The following ANKS1B variants were observed in gnomAD, a reference collection of about 807,000 sequenced individuals.
ANKS1B encodes ankyrin repeat and sterile alpha motif domain containing 1B.
In ANKS1B, 36 loss-of-function variants were observed where a neutral mutation model predicts 148.3. The observed-to-expected ratio is 0.24, with a 90% CI of 0.19 to 0.32. ANKS1B has a LOEUF of 0.32. Among genes scored for constraint, ANKS1B ranks in the 10% least tolerant of loss-of-function variants. The pLI is 1.00. For missense variants in ANKS1B, 1,157 were observed against 1,542.6 expected, an observed-to-expected ratio of 0.75 and a Z score of 4.19; for synonymous variants, 542 against 560.8, an observed-to-expected ratio of 0.97 and a Z score of 0.47.
intron 17 of ANKS1B, among the ~76,000 whole-genome samples, chr12:98,874,220 G>A (rs2099681031): frequency 6.6e-6 from 1 of 152,196 alleles, no homozygotes; most frequent in Admixed American, 6.5e-5. Context: ...TGGCAAGTCT[G>A]CAATATTGTG....
intron 10 of ANKS1B, among the ~76,000 whole-genome samples, chr12:99,484,764 GT>G (rs565634931): frequency 0.017 from 1,107 of 63,728 alleles, 5 homozygotes; most frequent in Non-Finnish European, 0.024. Flanking sequence ...GTGTGTGTGT[GT>G]TTTTTTTTTT....
Position 98,934,864 on chromosome 12 carries a change from GT to G in ANKS1B, c.2779-102729del, listed in dbSNP as rs553987661. ...CTGAATTCATTTTTTAGTTCTAACAGTTTTTTTTTTAAATGGAGTCTTTAGA... is the reference window on the plus strand; with the variant it reads ...CTGAATTCATTTTTTAGTTCTAACAGTTTTTTTTTAAATGGAGTCTTTAGA... On this transcript the variant is annotated intron_variant, in intron 17 of 26. Coordinates refer to ENST00000683438, the MANE Select transcript of ANKS1B (RefSeq NM_001352186.2). 5.7e-4 allele frequency among the ~76,000 whole-genome samples: 84 copies of G among 148,310 alleles called. 1 individual carries two copies. The highest frequency in any genetic ancestry group is 1.1e-3 in the African/African-American group (43 of 40,598).
chr12:99,649,322 A>C (rs748978959), intron 9 of ANKS1B: 1 of 1,614,164 alleles, frequency 6.2e-7, no homozygotes, highest in East Asian at 2.2e-5. Flanking sequence ...GAGAAGGAGC[A>C]ATTCAGAATC....
intron 20 of ANKS1B, among the ~76,000 whole-genome samples, chr12:98,805,162 T>C (rs1456265120): frequency 6.6e-6 from 1 of 152,220 alleles, no homozygotes; most frequent in African/African-American, 2.4e-5. Context: ...CTTCAGGCTA[T>C]CTCTTTGGCA....
In ANKS1B at chr12:99,078,014, T is replaced by G. The variant is rs568140966; in HGVS notation, c.2625+6911A>C. ...AAGTGTTTATGAAAGAAACCCACAG[T>G]TTTTTTGGGGGGTGAGGAGGGGCAG... On this transcript the variant is annotated intron_variant, in intron 16 of 26. Coordinates refer to ENST00000683438, the MANE Select transcript of ANKS1B (RefSeq NM_001352186.2). Among the ~76,000 whole-genome samples, 13 of 152,214 alleles carry G rather than the reference T, an allele frequency of 8.5e-5. No individual in the cohort carries two copies. In the South Asian group the frequency reaches 1.9e-3, roughly 22 times the overall value.
chr12:99,852,937 G>A (rs1371613341), intron 1 of ANKS1B, among the ~76,000 whole-genome samples: 1 of 152,098 alleles, frequency 6.6e-6, no homozygotes, highest in Non-Finnish European at 1.5e-5. Flanking sequence ...TGAGGCCTGT[G>A]GCTGCCAGCT....
At chr12:99,213,174 T>C (rs979541682) in intron 14 of ANKS1B, among the ~76,000 whole-genome samples, 5 of 152,228 alleles carry the variant, frequency 3.3e-5, no homozygotes, top group African/African-American at 7.2e-5. Flanking sequence ...AGTGACCTGC[T>C]TTGTCTAACA....
At chr12:99,436,526 T>G (rs938228353) in intron 11 of ANKS1B, among the ~76,000 whole-genome samples, 1 of 152,218 alleles carries the variant, frequency 6.6e-6, no homozygotes, top group South Asian at 2.1e-4. Context: ...TATATGCCTC[T>G]GTTTTTTACA....
intron 10 of ANKS1B, among the ~76,000 whole-genome samples, chr12:99,481,805 G>T (rs1020599195): frequency 6.6e-6 from 1 of 151,836 alleles, no homozygotes; most frequent in Non-Finnish European, 1.5e-5. Flanking sequence ...ATGTTTATTA[G>T]CTATTTGTAT....
intron 1 of ANKS1B, among the ~76,000 whole-genome samples, chr12:99,947,144 C>T (rs1050915738): frequency 6.6e-6 from 1 of 151,756 alleles, no homozygotes; most frequent in Non-Finnish European, 1.5e-5. Context: ...TTCTTATTTA[C>T]CTTTTCCAGT....
chr12:98,856,646 T>C (rs541929175), intron 17 of ANKS1B, among the ~76,000 whole-genome samples: 149 of 152,320 alleles, frequency 9.8e-4, no homozygotes, highest in Non-Finnish European at 1.9e-3. Context: ...AGTGTTTGTC[T>C]GTCTCTTCCT....
chr12:99,248,348 C>G (rs1341967789), intron 12 of ANKS1B, among the ~76,000 whole-genome samples: 2 of 152,020 alleles, frequency 1.3e-5, no homozygotes, highest in Non-Finnish European at 2.9e-5. Context: ...TTGATTTTTC[C>G]AAAGAGAAGA....
intron 17 of ANKS1B, among the ~76,000 whole-genome samples, chr12:99,032,563 T>C (rs917163121): frequency 3.0e-4 from 46 of 152,220 alleles, no homozygotes; most frequent in African/African-American, 1.0e-3. Context: ...TTAGGGCCTA[T>C]CCTGTTAATC....
intron 11 of ANKS1B, among the ~76,000 whole-genome samples, chr12:99,431,567 T>C (rs1594696538): frequency 6.6e-6 from 1 of 152,304 alleles, no homozygotes; most frequent in East Asian, 1.9e-4. Flanking sequence ...AATCATTCAG[T>C]GAAGAAATTA....
chr12:99,175,522 T>C (rs570312644), intron 14 of ANKS1B, among the ~76,000 whole-genome samples: 1 of 152,360 alleles, frequency 6.6e-6, no homozygotes, highest in Non-Finnish European at 1.5e-5. Flanking sequence ...GGTGTCACTA[T>C]CTCAGCTGCC....
chr12:99,093,879 G>C (rs1053279638), intron 15 of ANKS1B, among the ~76,000 whole-genome samples: 2 of 152,144 alleles, frequency 1.3e-5, no homozygotes, highest in African/African-American at 2.4e-5. Flanking sequence ...GAAATGAGAG[G>C]AAGTGTTTAT....
intron 17 of ANKS1B, among the ~76,000 whole-genome samples, chr12:98,909,010 G>A (rs748490517): frequency 1.5e-4 from 23 of 152,114 alleles, no homozygotes; most frequent in Non-Finnish European, 3.2e-4. Context: ...TTCTCAAAGA[G>A]GCATTGAAAT....
In ANKS1B at chr12:98,745,666, G is replaced by A; in HGVS notation, c.*73C>T. The A allele has an allele frequency of 2.5e-6, 4 of 1,579,746 alleles. No individual in the cohort carries two copies. In the South Asian group the frequency reaches 3.5e-5, roughly 14 times the overall value. On this transcript the variant is annotated 3_prime_UTR_variant, in exon 27 of 27. Coordinates refer to ENST00000683438, the MANE Select transcript of ANKS1B (RefSeq NM_001352186.2). ...CTTCCTCCTGGGCTGGGTGGACGCG[G>A]AGGCGCGAAGGAAAGCCTGCTCCGG... is the stretch of plus-strand genomic sequence containing the variant.
At chr12:99,305,785 G>A (rs1327198983) in intron 12 of ANKS1B, among the ~76,000 whole-genome samples, 2 of 152,056 alleles carry the variant, frequency 1.3e-5, no homozygotes, top group African/African-American at 2.4e-5. Flanking sequence ...AAATCACCTG[G>A]TTCTATACTT....
Sources: gnomAD v4.1 joint callset for allele counts (sites outside exome capture counted in the v4.1 genomes callset) on GRCh38, gnomAD v4.1.1 for gene constraint, MANE v1.5 for transcripts, NCBI Gene and HGNC (gene_info 2026-07-23, HGNC 2026-07-21) for gene names.